Variants in IL7 observed in about 807,000 individuals in gnomAD.
IL7 encodes the protein interleukin-7.
IL7 carries 3 observed loss-of-function variants against 21.6 expected under a neutral mutation model. The ratio of observed to expected loss-of-function variants is 0.14; its 90% CI spans 0.06 to 0.36. The LOEUF (loss-of-function observed/expected upper bound fraction) is 0.36. Among genes scored for constraint, IL7 ranks in the 10% least tolerant of loss-of-function variants. The pLI, the probability that IL7 is intolerant of heterozygous loss-of-function variation, is 1.00. For synonymous variants in IL7, 62 were observed against 68.1 expected (o/e 0.91, Z 0.44); for missense variants, 175 against 200.2 (o/e 0.87, Z 0.76).
At chr8:78,756,250 C>G (rs1367393692) in intron 2 of IL7, among the ~76,000 whole-genome samples, 1 of 151,518 alleles carries the variant, frequency 6.6e-6, no homozygotes, top group Non-Finnish European at 1.5e-5. Context: ...TGTTGAGAAA[C>G]TTTGCATATT....
rs2369441 is a variant in IL7, at chr8:78,682,679, A to G, written n.273+3210T>C. ...ATCATTCTGTCCCTGGCCACTCCCA[A>G]ATTTCATGCCCTCACATTTCAAAAC... is the stretch of plus-strand genomic sequence containing the variant. On this transcript the variant is annotated intron_variant and non_coding_transcript_variant, in intron 4 of 4. Transcript: ENST00000523959. Among the ~76,000 whole-genome samples the G allele has an allele frequency of 6.1e-3, 934 of 152,180 alleles. 8 individuals carry two copies. The highest frequency in any genetic ancestry group is 0.021 in the African/African-American group (885 of 41,514).
At chr8:78,721,053 A>G (rs1307107564) in exon 5 of IL7, 1 of 152,010 alleles carries the variant, frequency 6.6e-6, no homozygotes, top group East Asian at 1.9e-4. Context: ...CTTTCTGGAT[A>G]TGCAATGATG....
At chr8:78,732,142 G>C (rs1029112226), downstream of IL7, among the ~76,000 whole-genome samples, 5 of 152,138 alleles carry the variant, frequency 3.3e-5, no homozygotes, top group South Asian at 4.1e-4. Flanking sequence ...AACCTACTTA[G>C]AAAAGTCCAT....
downstream of IL7, among the ~76,000 whole-genome samples, chr8:78,728,024 T>C (rs1399462338): frequency 6.6e-6 from 1 of 152,046 alleles, no homozygotes; most frequent in Non-Finnish European, 1.5e-5. Flanking sequence ...AAAGCACACA[T>C]GTGCATACAA....
Position 78,681,076 on chromosome 8 carries a change from T to C in IL7, n.273+4813A>G, listed in dbSNP as rs2130456866. Reference sequence around the variant, plus strand: ...GGGCCTAACATAAAAGGCTGTGACCTTTTTTTTTTTTGAAGTGGTTCTCAT... The same window carrying C: ...GGGCCTAACATAAAAGGCTGTGACCCTTTTTTTTTTTGAAGTGGTTCTCAT... On this transcript the variant is annotated intron_variant and non_coding_transcript_variant, in intron 4 of 4. Transcript: ENST00000523959. Among the ~76,000 whole-genome samples, 5 of 140,368 alleles carry C rather than the reference T, an allele frequency of 3.6e-5. No individual in the cohort carries two copies. In the Middle Eastern group the frequency reaches 0.019, roughly 524 times the overall value. The allele number at this position is 140,368 out of a possible 152,430, so 92.1% of individuals were successfully genotyped here.
downstream of IL7, among the ~76,000 whole-genome samples, chr8:78,730,629 AGAT>A (rs774118533): frequency 4.9e-4 from 74 of 152,086 alleles, no homozygotes; most frequent in Admixed American, 1.1e-3. Flanking sequence ...TGTGTTTTCT[AGAT>A]GATTTAAATG....
At chr8:78,718,075 G>A (rs573592153) in intron 6 of IL7, 16 of 151,952 alleles carry the variant, frequency 1.1e-4, no homozygotes, top group South Asian at 2.1e-4. Context: ...TATTAGTTAC[G>A]TAATTTAAAC....
chr8:78,797,203 G>C (rs933887294), intron 2 of IL7, among the ~76,000 whole-genome samples: 6 of 151,826 alleles, frequency 4.0e-5, no homozygotes, highest in South Asian at 2.1e-4. Flanking sequence ...TTCTAAAGAA[G>C]GCAAAACTAC....
At chr8:78,774,084 G>GA (rs199914968) in intron 2 of IL7, among the ~76,000 whole-genome samples, 3,110 of 149,926 alleles carry the variant, frequency 0.021, 40 homozygotes, top group African/African-American at 0.035. Flanking sequence ...GCAGAGAAAA[G>GA]AAAAAAAAAC....
At chr8:78,703,916 C>T (rs181366849) in intron 3 of IL7, among the ~76,000 whole-genome samples, 9 of 152,222 alleles carry the variant, frequency 5.9e-5, no homozygotes, top group East Asian at 1.9e-4. Flanking sequence ...TGTAGTGGCT[C>T]GTAATTGTCT....
chr8:78,739,866 T>C, intron 3 of IL7, 136 bp downstream of exon 3: 12 of 722,852 alleles, frequency 1.7e-5, no homozygotes, highest in Non-Finnish European at 2.3e-5. Flanking sequence ...GGCCATAGTA[T>C]GATTTAATCA....
chr8:78,793,162 C>G (rs1813748302), intron 2 of IL7, among the ~76,000 whole-genome samples: 1 of 151,994 alleles, frequency 6.6e-6, no homozygotes, highest in Non-Finnish European at 1.5e-5. Flanking sequence ...ATATACAAGA[C>G]AGATGTGAAA....
At chr8:78,724,903 T>G (rs1447602726) in intron 3 of IL7, among the ~76,000 whole-genome samples, 2 of 152,040 alleles carry the variant, frequency 1.3e-5, no homozygotes, top group African/African-American at 4.8e-5. Flanking sequence ...AGATACCATA[T>G]TTTAAGTAGA....
In IL7 at chr8:78,738,577, C is replaced by A. The variant is rs145230246; in HGVS notation, c.287G>T (p.Ser96Ile). The change falls in exon 4 of 6, where the codon AGC (serine) becomes ATC (isoleucine). Residue 96 changes from serine to isoleucine, a missense_variant. Physicochemically the swap from Ser to Ile is moderately radical, Grantham distance 142. Transcript: ENST00000263851. Reference protein sequence around the residue: ...RKLRQFLKMNSTGDFDLHLLK... With the variant: ...RKLRQFLKMNITGDFDLHLLK... The stretch of plus-strand genomic sequence containing the variant: ...TAAGTGGAGATCAAAATCACCAGTG[C>A]TATTCATTTTAAGAAATTGCCTCAA... The A allele has an allele frequency of 6.9e-4, 1,107 of 1,613,180 alleles. No homozygotes were observed. Among genetic ancestry groups the A allele is most frequent in the Non-Finnish European group, 8.8e-4 (1,037 of 1,179,216 alleles).
At chr8:78,691,956 A>G (rs1227278794) in intron 3 of IL7, among the ~76,000 whole-genome samples, 1 of 152,176 alleles carries the variant, frequency 6.6e-6, no homozygotes. Flanking sequence ...AAGTGATACC[A>G]TGATTCATGG....
At chr8:78,699,372 T>C (rs1810527482) in intron 3 of IL7, among the ~76,000 whole-genome samples, 1 of 152,176 alleles carries the variant, frequency 6.6e-6, no homozygotes, top group South Asian at 2.1e-4. Flanking sequence ...AATTAAGGGA[T>C]TACCACAGGA....
chr8:78,739,184 A>G (rs1156479062), intron 3 of IL7, among the ~76,000 whole-genome samples: 1 of 152,198 alleles, frequency 6.6e-6, no homozygotes, highest in African/African-American at 2.4e-5. Context: ...TGAGTTTTTA[A>G]AAGACTATGA....
At chr8:78,684,652 G>A (rs887054288) in intron 4 of IL7, among the ~76,000 whole-genome samples, 1 of 152,158 alleles carries the variant, frequency 6.6e-6, no homozygotes, top group Non-Finnish European at 1.5e-5. Flanking sequence ...AACAACAGGA[G>A]TAAAGGGAAG....
chr8:78,681,671 CAGG>C, intron 4 of IL7, among the ~76,000 whole-genome samples: 1 of 152,130 alleles, frequency 6.6e-6, no homozygotes, highest in Middle Eastern at 3.4e-3. Context: ...GTAGCTGAGC[CAGG>C]AGGTTTCTTT....
Sources: gnomAD v4.1 joint callset for allele counts (sites outside exome capture counted in the v4.1 genomes callset) on GRCh38, gnomAD v4.1.1 for gene constraint, MANE v1.5 for transcripts, NCBI Gene and HGNC (gene_info 2026-07-23, HGNC 2026-07-21) for gene names.